THTPA: variants seen among roughly 807,000 people sequenced by gnomAD.
THTPA encodes the protein thiamine-triphosphatase.
THTPA carries 16 observed loss-of-function variants against 16.5 expected under a neutral mutation model. The ratio of observed to expected loss-of-function variants is 0.97; its 90% CI spans 0.66 to 1.47. THTPA has a LOEUF of 1.47. Ranked by LOEUF, THTPA falls within the 40% of genes most tolerant of loss-of-function variation. The probability of loss-of-function intolerance (pLI) is 0.00; values close to 1 mark genes in which losing one functional copy is unlikely to be tolerated. For missense variants in THTPA, 281 were observed against 280.9 expected (o/e 1.00, Z 0.00); for synonymous variants, 110 against 115.5 (o/e 0.95, Z 0.30).
the THTPA span, among the ~76,000 whole-genome samples, chr14:23,520,610 C>T: frequency 2.4e-4 from 36 of 152,264 alleles, no homozygotes; most frequent in East Asian, 5.8e-4. This position sits in a 1 kb window ranked among gnomAD's most constrained non-coding sequence, Gnocchi z 8.7. Context: ...ACTCAGGGAG[C>T]GGGGACATGT....
At chr14:23,533,844 G>GC in the THTPA span, 1 of 1,539,406 alleles carries the variant, frequency 6.5e-7, no homozygotes, top group Non-Finnish European at 8.7e-7. This position sits in a 1 kb window ranked among gnomAD's most constrained non-coding sequence, Gnocchi z 4.8. Context: ...CACGAGCAAG[G>GC]CGGGGGTGGG....
At chr14:23,536,028 T>TC in the THTPA span, among the ~76,000 whole-genome samples, 8 of 152,192 alleles carry the variant, frequency 5.3e-5, no homozygotes, top group African/African-American at 1.9e-4. Context: ...CATATCCACT[T>TC]CAACAGCAAC....
At chr14:23,527,853 C>A in the THTPA span, 1 of 1,494,392 alleles carries the variant, frequency 6.7e-7, no homozygotes, top group Non-Finnish European at 9.0e-7. Flanking sequence ...AAGGATGGGA[C>A]CCACCATCAC....
the THTPA span, chr14:23,521,657 T>C: frequency 2.9e-6 from 1 of 348,968 alleles, no homozygotes; most frequent in Non-Finnish European, 5.2e-6. Flanking sequence ...TTGTGTGTGG[T>C]AGGCAGACAT....
At chr14:23,531,636 C>T in the THTPA span, 23 of 1,518,940 alleles carry the variant, frequency 1.5e-5, no homozygotes, top group Middle Eastern at 1.7e-4. Flanking sequence ...CACAGCCAAG[C>T]GGGAGGGTGT....
the THTPA span, chr14:23,530,014 A>G: frequency 8.4e-7 from 1 of 1,189,722 alleles, no homozygotes; most frequent in Non-Finnish European, 1.2e-6. Flanking sequence ...TTCTTTAATC[A>G]GTTTTGCTCC....
chr14:23,525,267 C>T, the THTPA span: 1 of 1,536,134 alleles, frequency 6.5e-7, no homozygotes, highest in Non-Finnish European at 8.7e-7. The surrounding 1 kb of genome is among the most constrained non-coding windows in gnomAD (Gnocchi z 5.9). Flanking sequence ...GTCCCCCCTG[C>T]CTCAGGCTCT....
chr14:23,526,542 C>T, the THTPA span: 1 of 1,535,902 alleles, frequency 6.5e-7, no homozygotes, highest in Non-Finnish European at 8.7e-7. Context: ...GCTTGGGCAT[C>T]AGGTTCAGGG....
the THTPA span, chr14:23,522,287 G>A: frequency 1.1e-3 from 1,701 of 1,503,916 alleles, 20 homozygotes; most frequent in African/African-American, 0.019. Context: ...GGCAGTAGCC[G>A]GGGCCTCCCC....
chr14:23,524,991 G>C, the THTPA span: 1 of 1,536,184 alleles, frequency 6.5e-7, no homozygotes, highest in East Asian at 2.4e-5. This position sits in a 1 kb window ranked among gnomAD's most constrained non-coding sequence, Gnocchi z 5.6. Context: ...GCATTTTTGC[G>C]TGCTTTCTGG....
chr14:23,526,395 T>C, the THTPA span: 3 of 1,536,288 alleles, frequency 2.0e-6, no homozygotes, highest in Non-Finnish European at 2.6e-6. Flanking sequence ...TCGAGAAACT[T>C]GTCCAGGGCA....
At chr14:23,535,564 A>G in the THTPA span, among the ~76,000 whole-genome samples, 1 of 152,006 alleles carries the variant, frequency 6.6e-6, no homozygotes, top group Admixed American at 6.6e-5. This position sits in a 1 kb window ranked among gnomAD's most constrained non-coding sequence, Gnocchi z 4.5. Flanking sequence ...AGAACTCTTC[A>G]TTTTATTTAT....
chr14:23,524,035 G>A, the THTPA span: 1 of 1,513,764 alleles, frequency 6.6e-7, no homozygotes, highest in East Asian at 2.5e-5. The surrounding 1 kb of genome is among the most constrained non-coding windows in gnomAD (Gnocchi z 5.6). Context: ...GCGTGGCAGT[G>A]GGGTAGGGAA....
the THTPA span, chr14:23,526,386 C>A: frequency 6.5e-7 from 1 of 1,536,250 alleles, no homozygotes; most frequent in South Asian, 1.2e-5. Flanking sequence ...CGGGCAGGGT[C>A]GAGAAACTTG....
chr14:23,530,510 A>G, the THTPA span: 60 of 558,176 alleles, frequency 1.1e-4, no homozygotes, highest in Admixed American at 2.9e-4. Flanking sequence ...GACCCAGGAA[A>G]TGGGAAGCCC....
upstream of THTPA, among the ~76,000 whole-genome samples, chr14:23,554,731 C>T (rs933496395): frequency 6.6e-6 from 1 of 151,970 alleles, no homozygotes; most frequent in Non-Finnish European, 1.5e-5. Context: ...CCTATAATAC[C>T]TCTCACTGGT....
At chr14:23,517,632 C>A in the THTPA span, among the ~76,000 whole-genome samples, 1 of 152,336 alleles carries the variant, frequency 6.6e-6, no homozygotes, top group African/African-American at 2.4e-5. Flanking sequence ...CCTAATTTGC[C>A]TCCTACATAT....
At chr14:23,558,576 T>A in intron 1 of THTPA, 119 bp from the exon 2 acceptor site, 1 of 1,350,580 alleles carries the variant, frequency 7.4e-7, no homozygotes, top group Non-Finnish European at 1.0e-6. Flanking sequence ...GTGGGTGACA[T>A]TCAGAACCCC....
In THTPA at chr14:23,557,204, C is replaced by T. The variant is rs1182783592; in HGVS notation, c.447C>T (p.Ala149=). 2 of 1,613,938 alleles carry T rather than the reference C, an allele frequency of 1.2e-6. No individual in the cohort carries two copies. The highest frequency in any genetic ancestry group is 1.7e-6 in the Non-Finnish European group (2 of 1,179,974). ...AGCTCAGGGTGGACTTGGATACAGC[C>T]GACTTTGGCTACGCTGTGGGTGAGG... The part of the protein sequence containing the change: ...EPQLRVDLDT[A]DFGYAVGEVE... The change falls in exon 1 of 2, where the codon GCC becomes GCT. Residue 149 remains alanine, a synonymous_variant. Transcript: ENST00000288014.
Sources: gnomAD v4.1 joint callset for allele counts (sites outside exome capture counted in the v4.1 genomes callset) on GRCh38, gnomAD v4.1.1 for gene constraint, Gnocchi (gnomAD v3.1) non-coding constraint, MANE v1.5 for transcripts, NCBI Gene and HGNC (gene_info 2026-07-23, HGNC 2026-07-21) for gene names.